Variants in VDAC1 observed in about 807,000 individuals in gnomAD.
VDAC1 encodes voltage dependent anion channel 1.
In VDAC1, 10 loss-of-function variants were observed where a neutral mutation model predicts 34.7. The observed-to-expected ratio is 0.29, with a 90% CI of 0.18 to 0.49. The LOEUF (loss-of-function observed/expected upper bound fraction) is 0.49. Ranked by LOEUF, VDAC1 falls within the 20% of genes least tolerant of loss-of-function variation. The pLI is 0.99. For missense variants in VDAC1, 230 were observed against 347.9 expected, an observed-to-expected ratio of 0.66 and a Z score of 2.69; for synonymous variants, 130 against 136.0, an observed-to-expected ratio of 0.96 and a Z score of 0.30.
At position 133,976,035 on chromosome 5, in the gene VDAC1, C is replaced by T; in HGVS notation, c.552-14G>A. 3.1e-6 allele frequency: 5 copies of T among 1,614,108 alleles called. No homozygotes were observed. Among genetic ancestry groups the T allele is most frequent in the Non-Finnish European group, 4.2e-6 (5 of 1,179,972 alleles). On this transcript the variant is annotated splice_polypyrimidine_tract_variant and intron_variant, in intron 6 of 8. Coordinates refer to ENST00000265333, the MANE Select transcript of VDAC1 (RefSeq NM_003374.3). Reference sequence around the variant, plus strand: ...GTCCCGTCATTCCTGCAAACAAGCACAGGACAGATGCTGAGCTTCCCAGGG... The same window carrying T: ...GTCCCGTCATTCCTGCAAACAAGCATAGGACAGATGCTGAGCTTCCCAGGG...
chr5:133,999,931 T>C (rs1365027403), intron 1 of VDAC1, among the ~76,000 whole-genome samples: 1 of 152,072 alleles, frequency 6.6e-6, no homozygotes, highest in Non-Finnish European at 1.5e-5. Flanking sequence ...TCTAGGTGGT[T>C]TGTCAGGGCA....
At chr5:134,113,729 A>G in the VDAC1 span, among the ~76,000 whole-genome samples, 1 of 152,240 alleles carries the variant, frequency 6.6e-6, no homozygotes, top group Non-Finnish European at 1.5e-5. Context: ...TGCCATACAG[A>G]TGCGCTGGAA....
At chr5:133,994,802 C>T (rs952607044) in intron 1 of VDAC1, among the ~76,000 whole-genome samples, 1 of 152,148 alleles carries the variant, frequency 6.6e-6, no homozygotes, top group African/African-American at 2.4e-5. Context: ...CTCTTCAGTG[C>T]TATGCCTCCC....
At chr5:134,031,728 A>T in the VDAC1 span, among the ~76,000 whole-genome samples, 1 of 152,148 alleles carries the variant, frequency 6.6e-6, no homozygotes, top group Non-Finnish European at 1.5e-5. Context: ...AGGCAGGCGG[A>T]TCACTTGAGG....
chr5:134,071,736 G>C, the VDAC1 span, among the ~76,000 whole-genome samples: 287 of 152,350 alleles, frequency 1.9e-3, no homozygotes, highest in Non-Finnish European at 3.2e-3. This position sits in a 1 kb window ranked among gnomAD's most constrained non-coding sequence, Gnocchi z 4.1. Flanking sequence ...TATTAGTGCG[G>C]AGTTGGAGGG....
the VDAC1 span, among the ~76,000 whole-genome samples, chr5:134,027,801 G>A: frequency 8.0e-6 from 1 of 124,732 alleles, no homozygotes; most frequent in East Asian, 2.3e-4. Context: ...ATGGAGTCTC[G>A]CTCTTGTCAC....
At chr5:134,114,314 GGAGCCTGGGCAC>G in the VDAC1 span, among the ~76,000 whole-genome samples, 2 of 152,108 alleles carry the variant, frequency 1.3e-5, no homozygotes, top group Non-Finnish European at 2.9e-5. Context: ...AGGGCGCATT[GGAGCCTGGGCAC>G]GATACAGTTC....
At chr5:134,048,106 T>C in the VDAC1 span, among the ~76,000 whole-genome samples, 3 of 152,116 alleles carry the variant, frequency 2.0e-5, no homozygotes, top group Non-Finnish European at 2.9e-5. Flanking sequence ...TAGCTGGGAC[T>C]ACAGGTGCCC....
the VDAC1 span, among the ~76,000 whole-genome samples, chr5:134,094,514 G>T: frequency 6.6e-6 from 1 of 152,056 alleles, no homozygotes; most frequent in African/African-American, 2.4e-5. Flanking sequence ...TGGCTAACAC[G>T]ATAAAACCCT....
At chr5:134,000,000 C>G (rs1554092987) in intron 1 of VDAC1, among the ~76,000 whole-genome samples, 1 of 152,128 alleles carries the variant, frequency 6.6e-6, no homozygotes, top group Non-Finnish European at 1.5e-5. Context: ...GAAACAGCAC[C>G]TCTTCCTAGC....
At chr5:134,106,768 G>A in the VDAC1 span, among the ~76,000 whole-genome samples, 5 of 151,976 alleles carry the variant, frequency 3.3e-5, no homozygotes, top group Non-Finnish European at 7.4e-5. Context: ...AGTGACTTAC[G>A]AACCAAAAAA....
intron 1 of VDAC1, among the ~76,000 whole-genome samples, chr5:133,998,008 G>A (rs537785326): frequency 1.3e-5 from 2 of 151,722 alleles, no homozygotes; most frequent in Non-Finnish European, 1.5e-5. Flanking sequence ...TGGAGGTTGT[G>A]GTGAGCTGAG....
At chr5:134,109,083 G>A in the VDAC1 span, among the ~76,000 whole-genome samples, 2 of 152,064 alleles carry the variant, frequency 1.3e-5, no homozygotes, top group African/African-American at 4.8e-5. Flanking sequence ...CAGGTACGGG[G>A]CCTGCTAACT....
At chr5:134,031,065 C>T in the VDAC1 span, among the ~76,000 whole-genome samples, 1 of 152,164 alleles carries the variant, frequency 6.6e-6, no homozygotes, top group Non-Finnish European at 1.5e-5. Flanking sequence ...AGACAGACTA[C>T]AGGGACCTCA....
the VDAC1 span, among the ~76,000 whole-genome samples, chr5:134,083,155 A>T: frequency 6.6e-6 from 1 of 151,036 alleles, no homozygotes; most frequent in Non-Finnish European, 1.5e-5. Flanking sequence ...AGAGTGTCAA[A>T]CCCTGAGCCT....
the VDAC1 span, among the ~76,000 whole-genome samples, chr5:134,092,067 C>T: frequency 6.6e-6 from 1 of 152,170 alleles, no homozygotes; most frequent in South Asian, 2.1e-4. Flanking sequence ...GAACTAAGTC[C>T]TGGTGTTTGT....
chr5:133,972,882 G>A lies in VDAC1; in HGVS notation c.761-20C>T, dbSNP rs1332614711. On this transcript the variant is annotated intron_variant, in intron 8 of 8. Coordinates refer to ENST00000265333, the MANE Select transcript of VDAC1 (RefSeq NM_003374.3). ...TAATACCTGCAGGGAGAAAAATGAG[G>A]GAGAGGAAAGGAGGAGGAATGGAGG... 1.9e-6 allele frequency: 3 copies of A among 1,579,382 alleles called. No homozygotes were observed. The highest frequency in any genetic ancestry group is 2.6e-6 in the Non-Finnish European group (3 of 1,150,164).
chr5:134,076,422 T>C, the VDAC1 span, among the ~76,000 whole-genome samples: 1 of 152,232 alleles, frequency 6.6e-6, no homozygotes. Flanking sequence ...TTTCCTTTGT[T>C]GCCATATGTG....
intron 1 of VDAC1, among the ~76,000 whole-genome samples, chr5:133,994,921 G>C (rs1353459097): frequency 1.3e-5 from 2 of 152,228 alleles, no homozygotes; most frequent in South Asian, 2.1e-4. Context: ...TTAGGAGCCA[G>C]AGCCTTCCCC....
Sources: allele counts gnomAD v4.1 joint callset (sites outside exome capture counted in the v4.1 genomes callset), GRCh38; gene constraint gnomAD v4.1.1; non-coding constraint Gnocchi (gnomAD v3.1); transcripts MANE v1.5; gene names NCBI Gene and HGNC (gene_info 2026-07-23, HGNC 2026-07-21).